Variants in NECAB2 observed in about 807,000 individuals in gnomAD.
NECAB2 encodes N-terminal EF-hand calcium binding protein 2.
NECAB2 carries 68 observed loss-of-function variants against 51.9 expected under a neutral mutation model. The observed-to-expected ratio is 1.31, with a 90% confidence interval of 1.08 to 1.60. The LOEUF is 1.60. NECAB2 is among the 40% of genes most tolerant of loss of function. The pLI, the probability that NECAB2 is intolerant of heterozygous loss-of-function variation, is 0.00. For synonymous variants in NECAB2, 329 were observed against 203.5 expected, an observed-to-expected ratio of 1.62 and a Z score of -5.25; for missense variants, 854 against 490.3, an observed-to-expected ratio of 1.74 and a Z score of -7.00.
In NECAB2 at chr16:84,002,663, C is replaced by A; in HGVS notation, c.*317C>A. On this transcript the variant is annotated 3_prime_UTR_variant, in exon 13 of 13. Coordinates refer to ENST00000305202, the MANE Select transcript of NECAB2 (RefSeq NM_019065.3). Reference sequence around the variant, plus strand: ...ACGCATGACCCACACTGACCACACCCTGCCCTCTTCGGTGACATTCTTCTA... The same window carrying A: ...ACGCATGACCCACACTGACCACACCATGCCCTCTTCGGTGACATTCTTCTA... The A allele has an allele frequency of 2.2e-6, 1 of 450,578 alleles. No individual in the cohort carries two copies. Among genetic ancestry groups the A allele is most frequent in the Non-Finnish European group, 4.1e-6 (1 of 246,518 alleles). The allele number at this position is 450,578 out of a possible 1,614,324, so 27.9% of individuals were successfully genotyped here. A position where few individuals can be genotyped will look rare whatever the true frequency, so the allele number is the denominator to read the frequency against.
intron 8 of NECAB2, 119 bp downstream of exon 8, chr16:83,994,807 A>G: frequency 8.5e-7 from 1 of 1,178,254 alleles, no homozygotes; most frequent in Non-Finnish European, 1.2e-6. Context: ...CATGAAAAAG[A>G]CATCCCCCAG....
In NECAB2 at chr16:83,968,579, T is replaced by A. The variant is rs1302599750; in HGVS notation, c.-70T>A. On this transcript the variant is annotated 5_prime_UTR_variant, in exon 1 of 13. Transcript: ENST00000305202. ...CGGCGCGGGCAGCGCGGGGAGGGGG[T>A]CGCGCGGGGGCGGGCCGCAGCTGGG... is the stretch of plus-strand genomic sequence containing the variant. 1.0e-6 allele frequency: 1 copy of A among 958,900 alleles called. No homozygotes were observed. Among genetic ancestry groups the A allele is most frequent in the South Asian group, 4.7e-5 (1 of 21,234 alleles). 59.4% of individuals were successfully genotyped at this position (958,900 alleles called of 1,614,324 possible).
intron 10 of NECAB2, among the ~76,000 whole-genome samples, chr16:84,000,097 G>T (rs990029073): frequency 9.9e-5 from 15 of 151,634 alleles, no homozygotes; most frequent in African/African-American, 3.6e-4. Flanking sequence ...TTGCCATGTT[G>T]GCTAGGCTGG....
At chr16:83,991,141 C>T (rs1324317778) in intron 6 of NECAB2, among the ~76,000 whole-genome samples, 1 of 151,916 alleles carries the variant, frequency 6.6e-6, no homozygotes, top group African/African-American at 2.4e-5. Context: ...TAACACCATG[C>T]CTGGCTGATT....
intron 1 of NECAB2, 21 bp downstream of exon 1, chr16:83,968,870 A>G: frequency 1.8e-6 from 2 of 1,096,842 alleles, no homozygotes; most frequent in Non-Finnish European, 2.2e-6. Flanking sequence ...GCCGGCCGGG[A>G]CCCCCGCCGT....
intron 5 of NECAB2, among the ~76,000 whole-genome samples, chr16:83,983,704 A>G (rs1391789291): frequency 6.6e-6 from 1 of 152,182 alleles, no homozygotes; most frequent in Non-Finnish European, 1.5e-5. Context: ...CTTTTATCAC[A>G]TTACTGAGTC....
At chr16:83,998,733 G>T (rs2084758824) in intron 10 of NECAB2, among the ~76,000 whole-genome samples, 1 of 152,210 alleles carries the variant, frequency 6.6e-6, no homozygotes, top group African/African-American at 2.4e-5. Flanking sequence ...TATTTGCTCA[G>T]TTAACCACTG....
chr16:83,974,064 TCA>T lies in NECAB2; in HGVS notation c.226+1890_226+1891del, dbSNP rs10559305. Among the ~76,000 whole-genome samples the T allele has an allele frequency of 7.2e-3, 1,088 of 152,130 alleles. 10 individuals carry two copies. Among genetic ancestry groups the T allele is most frequent in the African/African-American group, 0.025 (1,028 of 41,458 alleles). On this transcript the variant is annotated intron_variant, in intron 2 of 12. Coordinates refer to ENST00000305202, the MANE Select transcript of NECAB2 (RefSeq NM_019065.3). Reference sequence around the variant, plus strand: ...CCCCCTGAGCACAGCTGTGGGACTCTCAGTTTCCTTACTGCAGCCTCCTCAAA... The same window carrying T: ...CCCCCTGAGCACAGCTGTGGGACTCTGTTTCCTTACTGCAGCCTCCTCAAA...
rs369048486 is a variant in NECAB2 at position 84,001,925 on chromosome 16, C to T, written c.1132+9C>T. 149 of 1,613,258 alleles carry T rather than the reference C, an allele frequency of 9.2e-5. No homozygotes were observed. In the African/African-American group the frequency reaches 1.8e-3, roughly 20 times the overall value. ...CAGGATCTTGGTGCCAGGTAGGGGGCAAAGGCCTGGAACTGCAGTGGCCAC... is the reference window on the plus strand; with the variant it reads ...CAGGATCTTGGTGCCAGGTAGGGGGTAAAGGCCTGGAACTGCAGTGGCCAC... On this transcript the variant is annotated intron_variant, in intron 12 of 12. Transcript: ENST00000305202.
chr16:83,998,447 CGTAAGAA>C, intron 10 of NECAB2, 130 bp downstream of exon 10: 1 of 836,796 alleles, frequency 1.2e-6, no homozygotes, highest in Non-Finnish European at 1.8e-6. Flanking sequence ...CAGCTGGATG[CGTAAGAA>C]GTGGGTTCAG....
At chr16:84,002,284 A>G (rs778390332) in intron 12 of NECAB2, 34 bp from the exon 13 acceptor site, 1 of 1,612,028 alleles carries the variant, frequency 6.2e-7, no homozygotes, top group South Asian at 1.1e-5. Flanking sequence ...CCACATTCGC[A>G]CTCCTTCCCT....
intron 3 of NECAB2, among the ~76,000 whole-genome samples, chr16:83,979,037 C>A (rs1017790970): frequency 2.6e-5 from 4 of 152,296 alleles, no homozygotes; most frequent in Admixed American, 6.5e-5. Flanking sequence ...TTTCTCCAAC[C>A]CAGTCATAAC....
At chr16:83,995,947 G>A (rs943660001) in intron 8 of NECAB2, among the ~76,000 whole-genome samples, 3 of 152,216 alleles carry the variant, frequency 2.0e-5, no homozygotes, top group Admixed American at 6.5e-5. Flanking sequence ...TTAGAGCACC[G>A]TCGCCCTAAC....
chr16:83,972,837 G>A (rs1042274018), intron 2 of NECAB2, among the ~76,000 whole-genome samples: 4 of 152,222 alleles, frequency 2.6e-5, no homozygotes, highest in Non-Finnish European at 4.4e-5. Context: ...AAGGAGCCCA[G>A]GCCTTGAGAG....
intron 3 of NECAB2, among the ~76,000 whole-genome samples, chr16:83,980,392 G>A (rs1289579389): frequency 1.3e-5 from 2 of 152,148 alleles, no homozygotes; most frequent in Non-Finnish European, 2.9e-5. Context: ...ATGGGACCCA[G>A]GGGCTGCGAC....
At chr16:84,001,580 G>C (rs1015920019) in intron 11 of NECAB2, among the ~76,000 whole-genome samples, 8 of 152,132 alleles carry the variant, frequency 5.3e-5, no homozygotes, top group African/African-American at 1.9e-4. Context: ...TAGAGGCTCT[G>C]TGCAATGAGT....
At chr16:83,965,327 C>G, upstream of NECAB2, 12 of 1,577,042 alleles carry the variant, frequency 7.6e-6, no homozygotes, top group Non-Finnish European at 1.0e-5. Context: ...GTTCGACAGC[C>G]CGGCCCGGCT....
At chr16:83,984,063 C>G (rs914019242) in intron 5 of NECAB2, among the ~76,000 whole-genome samples, 1 of 150,172 alleles carries the variant, frequency 6.7e-6, no homozygotes, top group South Asian at 2.1e-4. Context: ...TGGCACAGTC[C>G]CAGCTCACTG....
At position 83,997,269 on chromosome 16, in the gene NECAB2, G is replaced by A; in HGVS notation, c.849G>A (p.Met283Ile). ...TGTCAGATGAAGATGGCACCAACAT[G>A]GTGAGGCCCCTTCCCACCTCTCTTC... ...QRLSDEDGTN[M>I]HLQLVRQEMA... The change falls in exon 9 of 13, where the codon ATG becomes ATA. Residue 283 changes from methionine to isoleucine, a missense_variant and splice_region_variant. Met to Ile is a conservative substitution (Grantham distance 10). Transcript: ENST00000305202. 2 of 1,614,058 alleles carry A rather than the reference G, an allele frequency of 1.2e-6. No individual in the cohort carries two copies. The highest frequency in any genetic ancestry group is 1.7e-6 in the Non-Finnish European group (2 of 1,180,004).
Sources: gnomAD v4.1 joint callset for allele counts (sites outside exome capture counted in the v4.1 genomes callset) on GRCh38, gnomAD v4.1.1 for gene constraint, MANE v1.5 for transcripts, NCBI Gene and HGNC (gene_info 2026-07-23, HGNC 2026-07-21) for gene names.